The following PLCE1 variants were observed in gnomAD, a reference collection of about 807,000 sequenced individuals.
The protein encoded by PLCE1 is 1-phosphatidylinositol 4,5-bisphosphate phosphodiesterase epsilon-1.
A neutral mutation model predicts 242.8 loss-of-function variants in PLCE1; 119 were observed. The ratio of observed to expected loss-of-function variants is 0.49; its 90% CI spans 0.42 to 0.57. The LOEUF (loss-of-function observed/expected upper bound fraction) is 0.57, where lower values mean the gene tolerates loss of function less well. Among genes scored for constraint, PLCE1 ranks in the 20% least tolerant of loss-of-function variants. PLCE1 has a pLI of 0.00. For synonymous variants in PLCE1, 945 were observed against 1,017.4 expected (o/e 0.93, Z 1.35); for missense variants, 2,441 against 2,788.8 (o/e 0.88, Z 2.81).
At chr10:94,038,690 G>A (rs2061711604) in intron 2 of PLCE1, among the ~76,000 whole-genome samples, 1 of 152,154 alleles carries the variant, frequency 6.6e-6, no homozygotes. Flanking sequence ...AAATGCTTTG[G>A]TGTCTTCTTA....
intron 2 of PLCE1, among the ~76,000 whole-genome samples, chr10:94,117,922 A>G (rs2046183280): frequency 6.6e-6 from 1 of 152,226 alleles, no homozygotes; most frequent in Non-Finnish European, 1.5e-5. Flanking sequence ...GCTTCATACC[A>G]TTATTCTGTA....
chr10:94,112,470 GAC>G (rs1416814360), intron 2 of PLCE1, among the ~76,000 whole-genome samples: 8 of 152,176 alleles, frequency 5.3e-5, no homozygotes, highest in African/African-American at 1.9e-4. Context: ...TTTCCCTGAA[GAC>G]AGAGTTGAAA....
At chr10:94,009,647 A>G (rs545341099) in intron 1 of PLCE1, among the ~76,000 whole-genome samples, 2 of 152,368 alleles carry the variant, frequency 1.3e-5, no homozygotes, top group Admixed American at 1.3e-4. Flanking sequence ...CAATGGTGGT[A>G]CAGGCATTTG....
chr10:94,050,184 G>A (rs547487379), intron 2 of PLCE1, among the ~76,000 whole-genome samples: 2 of 152,246 alleles, frequency 1.3e-5, no homozygotes, highest in Admixed American at 1.3e-4. Context: ...TGGAGACTGG[G>A]TAATTTGTAA....
intron 5 of PLCE1, among the ~76,000 whole-genome samples, chr10:94,229,707 A>G (rs746176394): frequency 6.6e-6 from 1 of 152,196 alleles, no homozygotes; most frequent in Non-Finnish European, 1.5e-5. Flanking sequence ...ATCCAAGAAG[A>G]CCATAGAACC....
chr10:94,295,134 T>A (rs919847581), intron 23 of PLCE1, among the ~76,000 whole-genome samples: 2 of 151,864 alleles, frequency 1.3e-5, no homozygotes, highest in African/African-American at 4.8e-5. Flanking sequence ...GCCAGGGTGG[T>A]CTCGATCTCC....
intron 22 of PLCE1, 52 bp from the exon 23 acceptor site, chr10:94,293,456 A>C: frequency 6.3e-7 from 1 of 1,594,848 alleles, no homozygotes; most frequent in Non-Finnish European, 8.6e-7. Context: ...GAAAATGTTG[A>C]GTTGCCTTGC....
chr10:94,198,871 G>A (rs1054951058), intron 4 of PLCE1, among the ~76,000 whole-genome samples: 1 of 152,126 alleles, frequency 6.6e-6, no homozygotes, highest in Non-Finnish European at 1.5e-5. Context: ...AAATCCTCAT[G>A]TAAAACCTCC....
chr10:94,070,756 CAGA>C, intron 2 of PLCE1, among the ~76,000 whole-genome samples: 1 of 152,316 alleles, frequency 6.6e-6, no homozygotes, highest in African/African-American at 2.4e-5. Context: ...TTCTTACAGA[CAGA>C]AGATCTGGGT....
At chr10:94,253,720 A>G (rs2050963242) in intron 9 of PLCE1, among the ~76,000 whole-genome samples, 2 of 152,122 alleles carry the variant, frequency 1.3e-5, no homozygotes, top group Non-Finnish European at 2.9e-5. Context: ...CACCAAGGGA[A>G]TGATCCTCAG....
intron 1 of PLCE1, among the ~76,000 whole-genome samples, chr10:94,016,988 A>G (rs2061294556): frequency 1.3e-5 from 2 of 152,186 alleles, no homozygotes; most frequent in Non-Finnish European, 2.9e-5. Context: ...GTCAAGTCTA[A>G]TACTACTCAT....
At chr10:94,064,352 A>G (rs2135011409) in intron 2 of PLCE1, among the ~76,000 whole-genome samples, 1 of 152,192 alleles carries the variant, frequency 6.6e-6, no homozygotes, top group East Asian at 1.9e-4. Flanking sequence ...GGATTTCAAG[A>G]CCAGCCCAGG....
At chr10:94,200,700 T>G (rs1457404802) in intron 4 of PLCE1, among the ~76,000 whole-genome samples, 2 of 152,110 alleles carry the variant, frequency 1.3e-5, no homozygotes, top group African/African-American at 4.8e-5. Flanking sequence ...TGAGTAACTT[T>G]ACAGTAAGGA....
intron 1 of PLCE1, among the ~76,000 whole-genome samples, chr10:93,997,911 T>G (rs749465483): frequency 6.6e-6 from 1 of 152,162 alleles, no homozygotes; most frequent in Non-Finnish European, 1.5e-5. Context: ...TGTTGAAATC[T>G]TTGGCATGTG....
chr10:94,243,940 G>T (rs990431462), intron 7 of PLCE1, among the ~76,000 whole-genome samples: 2 of 152,036 alleles, frequency 1.3e-5, no homozygotes, highest in African/African-American at 4.8e-5. Context: ...CATGTAGTTA[G>T]CTATTGCTTA....
chr10:93,995,243 C>T (rs531746146), intron 1 of PLCE1, among the ~76,000 whole-genome samples: 5 of 152,304 alleles, frequency 3.3e-5, no homozygotes, highest in African/African-American at 9.6e-5. Flanking sequence ...TTATTGTATG[C>T]ATCGATGTCT....
At chr10:94,310,795 C>G (rs1380310721) in intron 27 of PLCE1, among the ~76,000 whole-genome samples, 1 of 152,134 alleles carries the variant, frequency 6.6e-6, no homozygotes, top group African/African-American at 2.4e-5. Context: ...AGCTGGGTGT[C>G]CTACATTTCA....
rs1470373068 is a variant in PLCE1, at chr10:94,298,334, A to T, written c.5168-45A>T. On this transcript the variant is annotated intron_variant, in intron 23 of 32. Transcript: ENST00000371380. The surrounding 1 kb of genome is among the most constrained non-coding windows in gnomAD (Gnocchi z 5.2). ...TCAGGTTTATCTTTCTAAAATATTT[A>T]AAGTTTTCTACACTAATCTGCGGCT... 6.4e-7 allele frequency: 1 copy of T among 1,565,812 alleles called. No individual in the cohort carries two copies. The highest frequency in any genetic ancestry group is 8.8e-7 in the Non-Finnish European group (1 of 1,136,704).
intron 1 of PLCE1, among the ~76,000 whole-genome samples, chr10:93,994,709 G>A (rs1423204541): frequency 1.3e-5 from 2 of 152,216 alleles, no homozygotes; most frequent in Admixed American, 6.5e-5. Flanking sequence ...TTGCCTTCAA[G>A]TCCTTTAATG....
Sources: gnomAD v4.1 joint callset for allele counts (sites outside exome capture counted in the v4.1 genomes callset) on GRCh38, gnomAD v4.1.1 for gene constraint, Gnocchi (gnomAD v3.1) non-coding constraint, MANE v1.5 for transcripts, NCBI Gene and HGNC (gene_info 2026-07-23, HGNC 2026-07-21) for gene names.